Variants in LRP2 observed in about 807,000 individuals in gnomAD.
The protein encoded by LRP2 is LDL receptor related protein 2.
A neutral mutation model predicts 531.0 loss-of-function variants in LRP2; 172 were observed. The ratio of observed to expected loss-of-function variants is 0.32; its 90% confidence interval spans 0.29 to 0.37. The LOEUF is 0.37. LRP2 is among the 10% of genes least tolerant of loss of function. The pLI, the probability that LRP2 is intolerant of heterozygous loss-of-function variation, is 1.00. For synonymous variants in LRP2, 1,992 were observed against 2,027.6 expected, an observed-to-expected ratio of 0.98 and a Z score of 0.47; for missense variants, 5,167 against 5,868.3, an observed-to-expected ratio of 0.88 and a Z score of 3.90.
intron 29 of LRP2, among the ~76,000 whole-genome samples, chr2:169,234,276 T>A (rs1689521582): frequency 6.6e-6 from 1 of 152,156 alleles, no homozygotes; most frequent in African/African-American, 2.4e-5. Context: ...TAGATATTTG[T>A]CCTAATGCTC....
rs1371008457 is a variant in LRP2, at chr2:169,213,724, C to G, written c.5973G>C (p.Gly1991=). 6.2e-7 allele frequency: 1 copy of G among 1,613,790 alleles called. No homozygotes were observed. The change falls in exon 36 of 79, where the codon GGG becomes GGC. Residue 1991 remains glycine (G), a synonymous_variant. Coordinates refer to ENST00000649046, the MANE Select transcript of LRP2 (RefSeq NM_004525.3). The part of the protein sequence containing the change: ...EVIERVDKAT[G]ANKIVLRDNV... Reference sequence around the variant, plus strand: ...TATCTCTCAAGACTATTTTGTTGGCCCCAGTGGCCTTATCAACTCTTTCAA... The same window carrying G: ...TATCTCTCAAGACTATTTTGTTGGCGCCAGTGGCCTTATCAACTCTTTCAA...
At chr2:169,336,238 C>T (rs1206605063) in intron 1 of LRP2, among the ~76,000 whole-genome samples, 1 of 151,890 alleles carries the variant, frequency 6.6e-6, no homozygotes, top group African/African-American at 2.4e-5. Context: ...CATCCAGCCC[C>T]TGCAAACGAA....
intron 53 of LRP2, 104 bp from the exon 54 acceptor site, chr2:169,176,692 A>C (rs1420850546): frequency 4.2e-6 from 4 of 956,480 alleles, no homozygotes; most frequent in Non-Finnish European, 6.6e-6. Context: ...CCTCTTAGTA[A>C]AAAAAAAACT....
At chr2:169,260,362 T>A (rs78830569) in intron 16 of LRP2, among the ~76,000 whole-genome samples, 1,579 of 152,018 alleles carry the variant, frequency 0.01, 26 homozygotes, top group African/African-American at 0.036. Flanking sequence ...AAACTCTACA[T>A]GTTCTAGGAG....
chr2:169,290,342 A>C (rs1487065836), intron 8 of LRP2, among the ~76,000 whole-genome samples: 1 of 148,138 alleles, frequency 6.8e-6, no homozygotes, highest in Non-Finnish European at 1.5e-5. Flanking sequence ...CAGGTAATAA[A>C]ATCTCCAGAA....
chr2:169,140,050 G>T (rs1045080861), intron 72 of LRP2, among the ~76,000 whole-genome samples: 2 of 152,198 alleles, frequency 1.3e-5, no homozygotes, highest in Non-Finnish European at 2.9e-5. Flanking sequence ...CATCACGAGT[G>T]CCTTGTACTA....
rs773943491 is a variant in LRP2, at chr2:169,128,617, A to G, written c.*46T>C. On this transcript the variant is annotated 3_prime_UTR_variant, in exon 79 of 79. Coordinates refer to ENST00000649046, the MANE Select transcript of LRP2 (RefSeq NM_004525.3). ...TTTTTCATCTGTTTGTAAAAAATAT[A>G]TGTGCAAAAGTGTGTTTCTAATTAT... 5 of 1,560,088 alleles carry G rather than the reference A, an allele frequency of 3.2e-6. 1 individual carries two copies. The South Asian group carries it at 4.5e-5, about 14-fold the overall frequency.
intron 65 of LRP2, 145 bp downstream of exon 65, chr2:169,156,129 T>G (rs1574078523): frequency 1.0e-6 from 1 of 985,300 alleles, no homozygotes; most frequent in Non-Finnish European, 1.5e-6. Flanking sequence ...ACTAAAGAGG[T>G]GTTGGAAGAG....
rs2302695 is a variant in LRP2 at position 169,214,029 on chromosome 2, G to C, written c.5827-159C>G. The stretch of plus-strand genomic sequence containing the variant: ...TATTTTCTGATTTGATCATCACAAC[G>C]ACACCAAGCAGCAGGTCAGGAAAAT... On this transcript the variant is annotated intron_variant, in intron 35 of 78. Transcript: ENST00000649046. 0.56 allele frequency among the ~76,000 whole-genome samples: 84,409 copies of C among 151,812 alleles called. 24,601 individuals carry two copies. Among genetic ancestry groups the C allele is most frequent in the South Asian group, 0.76 (3,673 of 4,808 alleles).
chr2:169,182,773 T>C (rs895507396), intron 50 of LRP2: 1 of 289,654 alleles, frequency 3.5e-6, no homozygotes, highest in African/African-American at 2.3e-5. Flanking sequence ...AAGATAAAGA[T>C]TATGACATCC....
At chr2:169,286,934 G>A (rs1206485494) in intron 9 of LRP2, among the ~76,000 whole-genome samples, 1 of 152,304 alleles carries the variant, frequency 6.6e-6, no homozygotes, top group Non-Finnish European at 1.5e-5. Flanking sequence ...AATGCCTAAA[G>A]AACTAAAAGG....
At chr2:169,261,146 G>C (rs1690531291) in intron 16 of LRP2, among the ~76,000 whole-genome samples, 1 of 151,884 alleles carries the variant, frequency 6.6e-6, no homozygotes, top group African/African-American at 2.4e-5. Context: ...TGCAGAGAAG[G>C]GGTTATCACT....
intron 1 of LRP2, among the ~76,000 whole-genome samples, chr2:169,327,231 T>TG (rs1227476145): frequency 1.8e-4 from 16 of 88,456 alleles, no homozygotes; most frequent in African/African-American, 6.1e-4. Flanking sequence ...GGGAGGGAGG[T>TG]GGGGGGGTCA....
rs3083194 is a variant in LRP2, at chr2:169,270,757, TATAAATAA to T, written c.2320+139_2320+146del. ...TACCCTAGAACTTAAAGTAAAATAG[TATAAATAA>T]ATAAATAAATAAATAAATAAATAAA... On this transcript the variant is annotated intron_variant, in intron 16 of 78. Transcript: ENST00000649046. 971 of 212,844 alleles carry T rather than the reference TATAAATAA, an allele frequency of 4.6e-3. 11 individuals carry two copies. Among genetic ancestry groups the T allele is most frequent in the African/African-American group, 0.02 (798 of 39,956 alleles). 13.2% of individuals were successfully genotyped at this position (212,844 alleles called of 1,614,324 possible). A position where few individuals can be genotyped will look rare whatever the true frequency, so the allele number is the denominator to read the frequency against.
In LRP2 at chr2:169,201,524, A is replaced by C. The variant is rs141035979; in HGVS notation, c.8452+104T>G. On this transcript the variant is annotated intron_variant, in intron 44 of 78. Coordinates refer to ENST00000649046, the MANE Select transcript of LRP2 (RefSeq NM_004525.3). The stretch of plus-strand genomic sequence containing the variant: ...AAATTTACGTTTTAGATAAATACTT[A>C]GGGTTTTTATTTTTGGAAAGCCTTT... 8,603 of 1,486,452 alleles carry C rather than the reference A, an allele frequency of 5.8e-3. 49 individuals are homozygous for C. Among genetic ancestry groups the C allele is most frequent in the Middle Eastern group, 0.016 (73 of 4,464 alleles). The allele number at this position is 1,486,452 out of a possible 1,614,324, so 92.1% of individuals were successfully genotyped here.
chr2:169,360,221 A>C (rs1686112861), intron 1 of LRP2, among the ~76,000 whole-genome samples: 1 of 151,110 alleles, frequency 6.6e-6, no homozygotes, highest in Non-Finnish European at 1.5e-5. Context: ...GAATCCCTTG[A>C]GTTTGCCATT....
Position 169,246,816 on chromosome 2 carries a change from C to T in LRP2, c.3079G>A (p.Gly1027Ser). The change falls in exon 21 of 79, where the codon GGC (glycine) becomes AGC (serine). Residue 1027 changes from glycine to serine, a missense_variant. This residue lies in a region of LRP2 where 2,811 missense variants were observed against 3,058.0 expected (regional missense o/e 0.92). Transcript: ENST00000649046. ...TTTTTACAGGGGAAGGAAAATAAGC[C>T]ACACTGCTCTGTGGGTGGTTCATTG... The part of the protein sequence containing the change: ...PTNEPPTEQC[G>S]LFSFPCKNGR... 6.2e-7 allele frequency: 1 copy of T among 1,614,120 alleles called. No homozygotes were observed.
Position 169,188,066 on chromosome 2 carries a change from G to C in LRP2, c.9232C>G (p.His3078Asp). The change falls in exon 49 of 79, where the codon CAC becomes GAC. Residue 3078 changes from histidine (H) to aspartate (D), a missense_variant. Physicochemically the swap from His to Asp is moderately conservative, Grantham distance 81. This residue lies in a region of LRP2 where 1,129 missense variants were observed against 1,362.7 expected (regional missense o/e 0.83). Coordinates refer to ENST00000649046, the MANE Select transcript of LRP2 (RefSeq NM_004525.3). ...CHTPEPTCPP[H>D]EFKCDNGRCI... ...CGCCCATTGTCACACTTGAACTCGT[G>C]AGGTGGACACGTGGGTTCTGGGGTG... 2 of 1,614,114 alleles carry C rather than the reference G, an allele frequency of 1.2e-6. No individual in the cohort carries two copies. Among genetic ancestry groups the C allele is most frequent in the Non-Finnish European group, 1.7e-6 (2 of 1,180,018 alleles).
intron 3 of LRP2, among the ~76,000 whole-genome samples, chr2:169,315,045 G>T (rs543892163): frequency 6.6e-6 from 1 of 152,138 alleles, no homozygotes; most frequent in Admixed American, 6.5e-5. Context: ...TCTAAATGTT[G>T]TGCTTAGGTT....
Sources: gnomAD v4.1 joint callset for allele counts (sites outside exome capture counted in the v4.1 genomes callset) on GRCh38, gnomAD v4.1.1 for gene constraint, gnomAD v4.1.1 regional missense constraint, MANE v1.5 for transcripts, NCBI Gene and HGNC (gene_info 2026-07-23, HGNC 2026-07-21) for gene names.